The following MYO5B variants were observed in gnomAD, a reference collection of about 807,000 sequenced individuals.
MYO5B encodes unconventional myosin-Vb.
In MYO5B, 143 loss-of-function variants were observed where a neutral mutation model predicts 229.3. That is an observed-to-expected ratio of 0.62 (90% CI 0.54 to 0.72). MYO5B has a LOEUF of 0.72. MYO5B is among the 30% of genes least tolerant of loss of function. MYO5B has a pLI of 0.00. For missense variants in MYO5B, 2,321 were observed against 2,331.0 expected, an observed-to-expected ratio of 1.00 and a Z score of 0.09; for synonymous variants, 918 against 885.2, an observed-to-expected ratio of 1.04 and a Z score of -0.66.
At chr18:50,003,787 T>C (rs2026072284) in intron 4 of MYO5B, among the ~76,000 whole-genome samples, 1 of 152,232 alleles carries the variant, frequency 6.6e-6, no homozygotes, top group Non-Finnish European at 1.5e-5. Context: ...TTAGAATGTA[T>C]CTAAGCCTTG....
intron 12 of MYO5B, 36 bp from the exon 13 acceptor site, chr18:49,954,471 A>G: frequency 6.2e-7 from 1 of 1,613,290 alleles, no homozygotes; most frequent in Non-Finnish European, 8.5e-7. Flanking sequence ...GCGCTTTGTG[A>G]AGAGGAAGAA....
intron 22 of MYO5B, among the ~76,000 whole-genome samples, chr18:49,882,808 C>A (rs568330389): frequency 4.6e-5 from 7 of 152,066 alleles, no homozygotes; most frequent in Non-Finnish European, 7.4e-5. Flanking sequence ...ACCACTCCAC[C>A]GCTTACCAAA....
chr18:50,039,549 T>C (rs2029942632), intron 3 of MYO5B, among the ~76,000 whole-genome samples: 2 of 152,060 alleles, frequency 1.3e-5, no homozygotes, highest in Admixed American at 1.3e-4. Flanking sequence ...GTGAGGATGG[T>C]CTCAATCTCC....
intron 33 of MYO5B, among the ~76,000 whole-genome samples, chr18:49,844,028 G>A (rs1030946645): frequency 2.0e-5 from 3 of 152,176 alleles, no homozygotes; most frequent in African/African-American, 7.2e-5. Flanking sequence ...CATCTCTCCA[G>A]CGGCTCTCTT....
intron 4 of MYO5B, among the ~76,000 whole-genome samples, chr18:50,018,677 C>T (rs907897132): frequency 6.6e-6 from 1 of 152,192 alleles, no homozygotes; most frequent in African/African-American, 2.4e-5. Flanking sequence ...TGAGGTCACA[C>T]AGCTGGTTAC....
At chr18:49,933,852 C>T (rs1019285553) in intron 16 of MYO5B, among the ~76,000 whole-genome samples, 1 of 152,100 alleles carries the variant, frequency 6.6e-6, no homozygotes, top group African/African-American at 2.4e-5. Context: ...TGAATAATTC[C>T]TATTCAGATT....
intron 1 of MYO5B, among the ~76,000 whole-genome samples, chr18:50,096,353 C>G (rs72917867): frequency 1.3e-5 from 2 of 152,034 alleles, no homozygotes; most frequent in Non-Finnish European, 2.9e-5. Flanking sequence ...CCCTTTCCCC[C>G]TCTGAAGCAT....
chr18:50,151,769 G>A (rs1457364453), intron 1 of MYO5B, among the ~76,000 whole-genome samples: 2 of 152,074 alleles, frequency 1.3e-5, no homozygotes, highest in South Asian at 4.1e-4. Context: ...CCTGGAGTCT[G>A]TACTCGGATG....
chr18:49,975,854 A>G (rs529748022), intron 9 of MYO5B, among the ~76,000 whole-genome samples: 1 of 152,234 alleles, frequency 6.6e-6, no homozygotes, highest in Admixed American at 6.5e-5. Flanking sequence ...AGCTGCCTCT[A>G]CTGACTATGT....
intron 5 of MYO5B, among the ~76,000 whole-genome samples, chr18:50,000,575 TA>T (rs1333481370): frequency 6.6e-6 from 1 of 152,220 alleles, no homozygotes; most frequent in African/African-American, 2.4e-5. Flanking sequence ...ATTCTGATCC[TA>T]AAGCATGCTT....
At chr18:49,973,349 C>T (rs1182940301) in intron 10 of MYO5B, among the ~76,000 whole-genome samples, 1 of 152,224 alleles carries the variant, frequency 6.6e-6, no homozygotes, top group Non-Finnish European at 1.5e-5. Context: ...GTGGCCACTT[C>T]TACAGGGGAC....
At chr18:50,147,053 C>G (rs566726117) in intron 1 of MYO5B, among the ~76,000 whole-genome samples, 1 of 152,318 alleles carries the variant, frequency 6.6e-6, no homozygotes, top group African/African-American at 2.4e-5. Context: ...TCCTTACAGA[C>G]AGTTTCCATT....
Position 49,877,759 on chromosome 18 carries a change from T to C in MYO5B, c.3396+4A>G. On this transcript the variant is annotated splice_donor_region_variant and intron_variant, in intron 25 of 39. Transcript: ENST00000285039. ...GACAGTACCCAAGAGCCTGCATCAC[T>C]CACCTCCACCTGCTGGAGGGCATCC... 4 of 1,613,964 alleles carry C rather than the reference T, an allele frequency of 2.5e-6. No homozygotes were observed. Among genetic ancestry groups the C allele is most frequent in the Non-Finnish European group, 2.5e-6 (3 of 1,179,884 alleles).
At chr18:49,872,624 G>T (rs752831982) in intron 26 of MYO5B, among the ~76,000 whole-genome samples, 52 of 152,146 alleles carry the variant, frequency 3.4e-4, no homozygotes, top group South Asian at 1.0e-3. Context: ...TTAAGCTGGG[G>T]TCATTTGGGT....
Position 49,853,513 on chromosome 18 carries a change from G to A in MYO5B, c.4157C>T (p.Ser1386Phe), listed in dbSNP as rs1186357424. 1 of 1,614,078 alleles carries A rather than the reference G, an allele frequency of 6.2e-7. No individual in the cohort carries two copies. Residue 1386 changes from serine to phenylalanine, a missense_variant, in exon 31 of 40, where the codon TCC becomes TTC. Transcript: ENST00000285039. ...GCCGAATTCCACCTGGGCCTCTGGG[G>A]AGAGCAGTAGCGTCTGGCAGAAGGT... is the stretch of plus-strand genomic sequence containing the variant. ...QQTFCQTLLLSPEAQVEFGVQ... is the reference protein window; with the variant it reads ...QQTFCQTLLLFPEAQVEFGVQ...
chr18:50,093,180 C>CCACACACACACACA (rs3075642), intron 1 of MYO5B, among the ~76,000 whole-genome samples: 1 of 148,636 alleles, frequency 6.7e-6, no homozygotes. Flanking sequence ...GAGCTTTGTG[C>CCACACACACACACA]CACACACACA....
chr18:50,020,524 T>G (rs1440431139), intron 4 of MYO5B, among the ~76,000 whole-genome samples: 1 of 152,182 alleles, frequency 6.6e-6, no homozygotes, highest in Non-Finnish European at 1.5e-5. Flanking sequence ...CCTCCCATTC[T>G]CCCAGCTTCA....
intron 1 of MYO5B, among the ~76,000 whole-genome samples, chr18:50,168,111 T>C (rs1568131370): frequency 6.6e-6 from 1 of 152,214 alleles, no homozygotes; most frequent in Admixed American, 6.5e-5. Flanking sequence ...ACTGCATTGA[T>C]AGATTGCTAA....
intron 1 of MYO5B, among the ~76,000 whole-genome samples, chr18:50,185,604 T>G (rs2033137286): frequency 6.6e-6 from 1 of 152,222 alleles, no homozygotes; most frequent in Admixed American, 6.5e-5. Context: ...GATTTAATCA[T>G]TATACATTGT....
Sources: gnomAD v4.1 joint callset for allele counts (sites outside exome capture counted in the v4.1 genomes callset) on GRCh38, gnomAD v4.1.1 for gene constraint, MANE v1.5 for transcripts, NCBI Gene and HGNC (gene_info 2026-07-23, HGNC 2026-07-21) for gene names.